Variants in SNED1 observed in about 807,000 individuals in gnomAD.
SNED1 encodes sushi, nidogen and EGF like domains 1.
A neutral mutation model predicts 166.7 loss-of-function variants in SNED1; 81 were observed. The ratio of observed to expected loss-of-function variants is 0.49; its 90% CI spans 0.41 to 0.58. SNED1 has a LOEUF of 0.58. Ranked by LOEUF, SNED1 falls within the 20% of genes least tolerant of loss-of-function variation. SNED1 has a pLI of 0.00. For synonymous variants in SNED1, 762 were observed against 822.0 expected (o/e 0.93, Z 1.25); for missense variants, 1,604 against 2,000.2 (o/e 0.80, Z 3.78).
intron 16 of SNED1, among the ~76,000 whole-genome samples, chr2:241,058,352 GATTA>G (rs1189536661): frequency 6.6e-6 from 1 of 151,950 alleles, no homozygotes; most frequent in African/African-American, 2.4e-5. Flanking sequence ...TTTCAAACTT[GATTA>G]ATTAAATGTC....
rs1211243673 is a variant in SNED1, at chr2:240,999,242, G to C, written c.213+192G>C. ...CGGCCCGCGGGAGAGGCGCGCGGGCGGGGCGGGGGCGGCAGCCGCCGGGCA... is the reference window on the plus strand; with the variant it reads ...CGGCCCGCGGGAGAGGCGCGCGGGCCGGGCGGGGGCGGCAGCCGCCGGGCA... On this transcript the variant is annotated intron_variant, in intron 1 of 31. Transcript: ENST00000310397. The surrounding 1 kb of genome is among the most constrained non-coding windows in gnomAD (Gnocchi z 5.8). Among the ~76,000 whole-genome samples the C allele has an allele frequency of 1.3e-5, 2 of 149,752 alleles. No individual in the cohort carries two copies. Among genetic ancestry groups the C allele is most frequent in the African/African-American group, 2.4e-5 (1 of 41,106 alleles).
Position 241,011,141 on chromosome 2 carries a change from T to TCTCCTGGGGGTGGCAGGTCTCCTGGG in SNED1, c.213+12091_213+12092insCTCCTGGGGGTGGCAGGTCTCCTGGG, listed in dbSNP as rs1335654850. ...CTCCTGGGGGTGGCAGGTCTCCTGG[T>TCTCCTGGGGGTGGCAGGTCTCCTGGG]TCTCCTGGGTCTCCTGGGGGTGGCA... On this transcript the variant is annotated intron_variant, in intron 1 of 31. Coordinates refer to ENST00000310397, the MANE Select transcript of SNED1 (RefSeq NM_001080437.3). Among the ~76,000 whole-genome samples, 23 of 64,322 alleles carry TCTCCTGGGGGTGGCAGGTCTCCTGGG rather than the reference T, an allele frequency of 3.6e-4. 1 individual carries two copies. The highest frequency in any genetic ancestry group is 1.7e-3 in the African/African-American group (21 of 12,452). 42.2% of individuals were successfully genotyped at this position (64,322 alleles called of 152,430 possible).
rs966960062 is a variant in SNED1 at position 241,068,525 on chromosome 2, G to T, written c.3195-386G>T. Among the ~76,000 whole-genome samples, 1 of 152,162 alleles carries T rather than the reference G, an allele frequency of 6.6e-6. No homozygotes were observed. Among genetic ancestry groups the T allele is most frequent in the Non-Finnish European group, 1.5e-5 (1 of 68,016 alleles). ...CAGCCAGCAGCTTCCTGGGGCTGGG[G>T]TGGCATTGGCCTCACGTTGTCCTGT... On this transcript the variant is annotated intron_variant, in intron 22 of 31. Coordinates refer to ENST00000310397, the MANE Select transcript of SNED1 (RefSeq NM_001080437.3). This position sits in a 1 kb window ranked among gnomAD's most constrained non-coding sequence, Gnocchi z 5.3.
chr2:241,065,214 C>A, intron 20 of SNED1, 85 bp from the exon 21 acceptor site: 1 of 1,423,168 alleles, frequency 7.0e-7, no homozygotes, highest in Non-Finnish European at 9.6e-7. Context: ...AAGAGCCAGA[C>A]CCGGCTGAGC....
rs1373394988 is a variant in SNED1 at position 241,073,362 on chromosome 2, G to A, written c.3914G>A (p.Gly1305Glu). 6.4e-7 allele frequency: 1 copy of A among 1,566,400 alleles called. No homozygotes were observed. The change falls in exon 27 of 32, where the codon GGA becomes GAA. Residue 1305 changes from glycine (G) to glutamate (E), a missense_variant and splice_region_variant. Gly to Glu is a moderately conservative substitution (Grantham distance 98). Coordinates refer to ENST00000310397, the MANE Select transcript of SNED1 (RefSeq NM_001080437.3). This position sits in a 1 kb window ranked among gnomAD's most constrained non-coding sequence, Gnocchi z 6.6. ...CCTGAACACGGCAGCAAGGACATCG[G>A]AAGTGAGTCAGCAGCGCTGGTGGGG... is the stretch of plus-strand genomic sequence containing the variant. ...QLPEHGSKDI[G>E]NVPGNCSENP...
At chr2:241,071,978 C>T (rs1440244842) in intron 26 of SNED1, 100 bp downstream of exon 26, 11 of 1,029,216 alleles carry the variant, frequency 1.1e-5, no homozygotes, top group Non-Finnish European at 8.9e-6. Flanking sequence ...CCACCCCCAC[C>T]GCCAGCGCAG....
chr2:241,036,072 T>C (rs866168861), intron 4 of SNED1, among the ~76,000 whole-genome samples: 1 of 15,866 alleles, frequency 6.3e-5, no homozygotes, highest in Admixed American at 5.9e-4. Flanking sequence ...GGGTGGGGGG[T>C]GGGGGGTGGA....
rs2061482336 is a variant in SNED1 at position 241,040,063 on chromosome 2, T to C, written c.1046-12T>C. 1 of 1,559,860 alleles carries C rather than the reference T, an allele frequency of 6.4e-7. No individual in the cohort carries two copies. Among genetic ancestry groups the C allele is most frequent in the African/African-American group, 1.4e-5 (1 of 73,548 alleles). Reference sequence around the variant, plus strand: ...GGGAGTCCATCGTCCTGTCTACACCTCCTCACTCTAGCCCAATCCCCCTGT... The same window carrying C: ...GGGAGTCCATCGTCCTGTCTACACCCCCTCACTCTAGCCCAATCCCCCTGT... On this transcript the variant is annotated splice_polypyrimidine_tract_variant and intron_variant, in intron 6 of 31. Transcript: ENST00000310397.
chr2:241,024,617 T>G (rs1020885656), intron 1 of SNED1, among the ~76,000 whole-genome samples: 2 of 141,772 alleles, frequency 1.4e-5, no homozygotes. Context: ...CTTGGCATGT[T>G]TTATGTTGAA....
chr2:241,026,295 C>A (rs13412932), intron 1 of SNED1, among the ~76,000 whole-genome samples: 3,601 of 152,242 alleles, frequency 0.024, 124 homozygotes, highest in African/African-American at 0.081. Context: ...GGATTATAGG[C>A]GTGAGCCACT....
At chr2:241,009,875 A>G (rs767936048) in intron 1 of SNED1, among the ~76,000 whole-genome samples, 110 of 152,186 alleles carry the variant, frequency 7.2e-4, no homozygotes, top group Non-Finnish European at 1.3e-3. Flanking sequence ...TGGCTGGGCC[A>G]GGGGCCAGCC....
Position 241,070,091 on chromosome 2 carries a change from C to T in SNED1, c.3479C>T (p.Thr1160Met), listed in dbSNP as rs760418506. The stretch of plus-strand genomic sequence containing the variant: ...CCCAACGGGAAGCTGGCGTCCTACA[C>T]GGTGCGCGACCTGCTGCCGGGACGG... The part of the protein sequence containing the change: ...YVPNGKLASY[T>M]VRDLLPGRRY... The change falls in exon 24 of 32, where the codon ACG becomes ATG. Residue 1160 changes from threonine (T) to methionine (M), a missense_variant. Coordinates refer to ENST00000310397, the MANE Select transcript of SNED1 (RefSeq NM_001080437.3). 27 of 1,612,924 alleles carry T rather than the reference C, an allele frequency of 1.7e-5. No homozygotes were observed. Among genetic ancestry groups the T allele is most frequent in the Non-Finnish European group, 2.1e-5 (25 of 1,179,886 alleles).
In SNED1 at chr2:241,086,240, C is replaced by T. The variant is rs114084695; in HGVS notation, c.4122-1152C>T. On this transcript the variant is annotated intron_variant, in intron 29 of 31. Coordinates refer to ENST00000310397, the MANE Select transcript of SNED1 (RefSeq NM_001080437.3). ...TGGCTCTGGAAATCGTTCAACTCCT[C>T]AGTAGTTCTTCTTTGCCTTGTGGGG... Among the ~76,000 whole-genome samples the T allele has an allele frequency of 4.0e-3, 616 of 152,312 alleles. 3 individuals are homozygous for T. Among genetic ancestry groups the T allele is most frequent in the African/African-American group, 0.014 (596 of 41,568 alleles).
intron 10 of SNED1, 23 bp from the exon 11 acceptor site, chr2:241,048,999 G>A (rs763675052): frequency 6.3e-7 from 1 of 1,579,700 alleles, no homozygotes; most frequent in East Asian, 2.3e-5. Context: ...AATATGGGAT[G>A]GGGCTTCCTC....
chr2:241,039,978 G>C, intron 6 of SNED1, 97 bp from the exon 7 acceptor site: 1 of 989,516 alleles, frequency 1.0e-6, no homozygotes, highest in South Asian at 1.5e-5. Context: ...ATGTAAGCCA[G>C]TTGGGGGTGG....
In SNED1 at chr2:241,071,833, G is replaced by A. The variant is rs748699814; in HGVS notation, c.3772G>A (p.Ala1258Thr). The change falls in exon 26 of 32, where the codon GCC (alanine) becomes ACC (threonine). Residue 1258 changes from alanine (A) to threonine (T), a missense_variant. Ala to Thr is a moderately conservative substitution (Grantham distance 58). Transcript: ENST00000310397. ...ELVDGRGRVSARFGGSPSKAA... is the reference protein window; with the variant it reads ...ELVDGRGRVSTRFGGSPSKAA... ...TGTGGACGGCAGAGGAAGAGTGAGCGCCAGGTTCGGTGGCTCACCCAGCAA... is the reference window on the plus strand; with the variant it reads ...TGTGGACGGCAGAGGAAGAGTGAGCACCAGGTTCGGTGGCTCACCCAGCAA... 109 of 1,604,090 alleles carry A rather than the reference G, an allele frequency of 6.8e-5. No homozygotes were observed. Among genetic ancestry groups the A allele is most frequent in the Non-Finnish European group, 8.2e-5 (96 of 1,175,866 alleles).
chr2:241,013,682 C>T lies in SNED1; in HGVS notation c.213+14632C>T, dbSNP rs570714065. On this transcript the variant is annotated intron_variant, in intron 1 of 31. Coordinates refer to ENST00000310397, the MANE Select transcript of SNED1 (RefSeq NM_001080437.3). This position sits in a 1 kb window ranked among gnomAD's most constrained non-coding sequence, Gnocchi z 4.6. ...GATTCCACATATAAGTGTCTTTCTG[C>T]GCCTGGCTTATTTCACTGAGCATAA... Among the ~76,000 whole-genome samples the T allele has an allele frequency of 1.4e-4, 22 of 152,208 alleles. No individual in the cohort carries two copies. Among genetic ancestry groups the T allele is most frequent in the African/African-American group, 3.1e-4 (13 of 41,526 alleles).
intron 27 of SNED1, among the ~76,000 whole-genome samples, chr2:241,079,175 G>A (rs2063202627): frequency 6.6e-6 from 1 of 150,490 alleles, no homozygotes; most frequent in Non-Finnish European, 1.5e-5. Context: ...CACTTTGGGA[G>A]GCCGAGGCAG....
Position 241,026,009 on chromosome 2 carries a change from CT to C in SNED1, c.214-4251del, listed in dbSNP as rs71404676. Among the ~76,000 whole-genome samples, 23 of 73,590 alleles carry C rather than the reference CT, an allele frequency of 3.1e-4. No homozygotes were observed. In the East Asian group the frequency reaches 5.2e-3, roughly 17 times the overall value. 48.3% of individuals were successfully genotyped at this position (73,590 alleles called of 152,430 possible). A position where few individuals can be genotyped will look rare whatever the true frequency, so the allele number is the denominator to read the frequency against. ...TTGATGTGGCTTTGTTTTTCTTTTCCTTTTTTTTTTTTTTTTTTTTTTTTGA... is the reference window on the plus strand; with the variant it reads ...TTGATGTGGCTTTGTTTTTCTTTTCCTTTTTTTTTTTTTTTTTTTTTTTGA... On this transcript the variant is annotated intron_variant, in intron 1 of 31. Coordinates refer to ENST00000310397, the MANE Select transcript of SNED1 (RefSeq NM_001080437.3).
Sources: allele counts gnomAD v4.1 joint callset (sites outside exome capture counted in the v4.1 genomes callset), GRCh38; gene constraint gnomAD v4.1.1; non-coding constraint Gnocchi (gnomAD v3.1); transcripts MANE v1.5; gene names NCBI Gene and HGNC (gene_info 2026-07-23, HGNC 2026-07-21).